The following TRAPPC9 variants were observed in gnomAD, a reference collection of about 807,000 sequenced individuals.
The protein encoded by TRAPPC9 is trafficking protein particle complex subunit 9.
Under a neutral mutation model 124.0 loss-of-function variants are expected in TRAPPC9, and 83 were observed. The observed-to-expected ratio is 0.67, with a 90% confidence interval of 0.56 to 0.80. The LOEUF (loss-of-function observed/expected upper bound fraction) is 0.80. Among genes scored for constraint, TRAPPC9 ranks in the 30% least tolerant of loss-of-function variants. The pLI, the probability that TRAPPC9 is intolerant of heterozygous loss-of-function variation, is 0.00. For missense variants in TRAPPC9, 1,302 were observed against 1,508.3 expected, an observed-to-expected ratio of 0.86 and a Z score of 2.27; for synonymous variants, 638 against 617.5, an observed-to-expected ratio of 1.03 and a Z score of -0.49.
At chr8:139,945,377 G>A (rs1199260903) in intron 19 of TRAPPC9, among the ~76,000 whole-genome samples, 2 of 151,674 alleles carry the variant, frequency 1.3e-5, no homozygotes, top group Non-Finnish European at 2.9e-5. Context: ...ATGAAGTGAA[G>A]TGAATCCATT....
At chr8:139,970,972 G>T (rs1371119813) in intron 19 of TRAPPC9, among the ~76,000 whole-genome samples, 1 of 148,326 alleles carries the variant, frequency 6.7e-6, no homozygotes, top group East Asian at 2.0e-4. Flanking sequence ...CACCTGCCCT[G>T]TGGCCCAAAC....
chr8:140,458,576 C>T (rs1329604402), upstream of TRAPPC9: 1 of 1,560,122 alleles, frequency 6.4e-7, no homozygotes, highest in Admixed American at 1.9e-5. Context: ...GCACTCCCGA[C>T]TTTGAGGGCC....
At chr8:139,748,430 G>C (rs1423350138) in intron 21 of TRAPPC9, among the ~76,000 whole-genome samples, 1 of 100,848 alleles carries the variant, frequency 9.9e-6, no homozygotes, top group Non-Finnish European at 2.3e-5. Flanking sequence ...GTCAGAGCAG[G>C]TGGGGAGGTG....
intron 21 of TRAPPC9, among the ~76,000 whole-genome samples, chr8:139,758,150 G>A (rs890036088): frequency 6.6e-6 from 1 of 152,204 alleles, no homozygotes; most frequent in Non-Finnish European, 1.5e-5. Flanking sequence ...CCAAGCGCTC[G>A]GGCCTGGGAA....
At chr8:140,342,804 A>G (rs2067231879) in intron 9 of TRAPPC9, among the ~76,000 whole-genome samples, 1 of 152,224 alleles carries the variant, frequency 6.6e-6, no homozygotes, top group Non-Finnish European at 1.5e-5. Flanking sequence ...ACAAAAAATC[A>G]TGTCATTCAT....
At chr8:139,981,114 T>A (rs1836862920) in intron 19 of TRAPPC9, among the ~76,000 whole-genome samples, 1 of 152,206 alleles carries the variant, frequency 6.6e-6, no homozygotes. Context: ...AAACGTTCCT[T>A]CCCTCTGCCT....
chr8:139,775,511 G>C (rs1821292041), intron 21 of TRAPPC9, among the ~76,000 whole-genome samples: 1 of 152,218 alleles, frequency 6.6e-6, no homozygotes, highest in South Asian at 2.1e-4. Context: ...GCTTTTCTGG[G>C]GCGCTGGGAA....
intron 21 of TRAPPC9, among the ~76,000 whole-genome samples, chr8:139,774,815 T>C (rs1821246386): frequency 6.6e-6 from 1 of 152,198 alleles, no homozygotes; most frequent in Non-Finnish European, 1.5e-5. Context: ...GGGGCAGAGC[T>C]AGGAACCAAC....
intron 17 of TRAPPC9, among the ~76,000 whole-genome samples, chr8:140,125,680 C>G (rs1262755372): frequency 6.7e-6 from 1 of 149,232 alleles, no homozygotes; most frequent in Non-Finnish European, 1.5e-5. Context: ...CCACAAGCTC[C>G]ACCTCCCGGG....
intron 21 of TRAPPC9, among the ~76,000 whole-genome samples, chr8:139,855,542 C>T (rs73364202): frequency 0.016 from 2,410 of 152,334 alleles, 59 homozygotes; most frequent in African/African-American, 0.053. Context: ...TTACACGACG[C>T]GTCATCTCGG....
intron 17 of TRAPPC9, among the ~76,000 whole-genome samples, chr8:140,152,693 T>C (rs1027819362): frequency 1.3e-5 from 2 of 152,112 alleles, no homozygotes; most frequent in African/African-American, 4.8e-5. Flanking sequence ...TAATATTAAG[T>C]CTTCTGATCC....
chr8:139,773,543 G>A (rs991597908), intron 21 of TRAPPC9, among the ~76,000 whole-genome samples: 38 of 152,134 alleles, frequency 2.5e-4, no homozygotes, highest in African/African-American at 8.2e-4. Context: ...CAGCTGGGTC[G>A]CTAGGCTGAG....
At chr8:139,874,600 T>C (rs1829199703) in intron 21 of TRAPPC9, among the ~76,000 whole-genome samples, 1 of 152,140 alleles carries the variant, frequency 6.6e-6, no homozygotes, top group African/African-American at 2.4e-5. Flanking sequence ...GCAGCAGGTA[T>C]GAAGGCCTGG....
intron 7 of TRAPPC9, among the ~76,000 whole-genome samples, chr8:140,377,914 C>T (rs527780961): frequency 7.0e-4 from 106 of 151,730 alleles, no homozygotes; most frequent in Non-Finnish European, 1.2e-3. Context: ...GAGCCACGAT[C>T]ACGCCACTGC....
At chr8:140,072,788 C>G (rs1299768821) in intron 17 of TRAPPC9, among the ~76,000 whole-genome samples, 1 of 151,904 alleles carries the variant, frequency 6.6e-6, no homozygotes. Flanking sequence ...TATATCTTCA[C>G]TAGATACATC....
rs1302064756 is a variant in TRAPPC9 at position 140,046,998 on chromosome 8, A to G, written c.2557-22919T>C. Among the ~76,000 whole-genome samples the G allele has an allele frequency of 2.6e-5, 4 of 152,234 alleles. No individual in the cohort carries two copies. The East Asian group carries it at 5.8e-4, about 22-fold the overall frequency. On this transcript the variant is annotated intron_variant, in intron 17 of 22. Coordinates refer to ENST00000438773, the MANE Select transcript of TRAPPC9 (RefSeq NM_001160372.4). ...CTAGAAAGGTTCCCGTGGCACCTAC[A>G]ATAAACTGCTCTTGTTCCTTTCTGT...
At chr8:140,001,740 C>T (rs911184574) in intron 18 of TRAPPC9, among the ~76,000 whole-genome samples, 1 of 145,294 alleles carries the variant, frequency 6.9e-6, no homozygotes, top group African/African-American at 2.4e-5. Flanking sequence ...TCACAAACTA[C>T]AAAAATCCAT....
At position 139,895,693 on chromosome 8, in the gene TRAPPC9, G is replaced by A. The variant is rs191031020; in HGVS notation, c.2965-9724C>T. Reference sequence around the variant, plus strand: ...TGCACTTGAGTGTGGGCCTCACCCCGGTCAGAACTGAGAGGCTCTAGGGAG... The same window carrying A: ...TGCACTTGAGTGTGGGCCTCACCCCAGTCAGAACTGAGAGGCTCTAGGGAG... On this transcript the variant is annotated intron_variant, in intron 20 of 22. Coordinates refer to ENST00000438773, the MANE Select transcript of TRAPPC9 (RefSeq NM_001160372.4). 5.3e-5 allele frequency among the ~76,000 whole-genome samples: 8 copies of A among 152,302 alleles called. No individual in the cohort carries two copies. In the East Asian group the frequency reaches 9.6e-4, roughly 18 times the overall value.
chr8:140,275,938 G>A, intron 14 of TRAPPC9, 117 bp from the exon 15 acceptor site: 1 of 825,998 alleles, frequency 1.2e-6, no homozygotes, highest in South Asian at 1.5e-5. Flanking sequence ...ACAGGGGCTA[G>A]GAAATCTGGG....
Sources: gnomAD v4.1 joint callset for allele counts (sites outside exome capture counted in the v4.1 genomes callset) on GRCh38, gnomAD v4.1.1 for gene constraint, MANE v1.5 for transcripts, NCBI Gene and HGNC (gene_info 2026-07-23, HGNC 2026-07-21) for gene names.